CEBPB: variants seen among roughly 807,000 people sequenced by gnomAD.
CEBPB encodes the protein CCAAT enhancer binding protein beta.
For missense variants in CEBPB, 498 were observed against 533.1 expected (o/e 0.93, Z 0.65); for synonymous variants, 295 against 267.1 (o/e 1.10, Z -1.02).
At position 50,191,910 on chromosome 20, in the gene CEBPB, A is replaced by G; in HGVS notation, c.877A>G (p.Lys293Glu). Reference sequence around the variant, plus strand: ...CGTGCGCAAGAGCCGCGACAAGGCCAAGATGCGCAACCTGGAGACGCAGCA... The same window carrying G: ...CGTGCGCAAGAGCCGCGACAAGGCCGAGATGCGCAACCTGGAGACGCAGCA... ...IAVRKSRDKA[K>E]MRNLETQHKV... is the part of the protein sequence containing the mutation. The change falls in exon 1 of 1, where the codon AAG (lysine) becomes GAG (glutamate). Residue 293 changes from lysine (K) to glutamate (E), a missense_variant. By Grantham distance (56) the Lys-to-Glu change is moderately conservative. Coordinates refer to ENST00000303004, the MANE Select transcript of CEBPB (RefSeq NM_005194.4). 6.2e-7 allele frequency: 1 copy of G among 1,613,014 alleles called. No homozygotes were observed. Among genetic ancestry groups the G allele is most frequent in the Non-Finnish European group, 8.5e-7 (1 of 1,179,654 alleles).
Position 50,190,885 on chromosome 20 carries a change from AC to A in CEBPB, c.-147del. The A allele has an allele frequency of 9.8e-7, 1 of 1,016,690 alleles. No homozygotes were observed. The highest frequency in any genetic ancestry group is 2.4e-5 in the South Asian group (1 of 41,896). 63.0% of individuals were successfully genotyped at this position (1,016,690 alleles called of 1,614,324 possible). ...AGGGGACCCACCCGAGGGTCCAGCCACCAGCCCCCTCACTAATAGCGGCCAC... is the reference window on the plus strand; with the variant it reads ...AGGGGACCCACCCGAGGGTCCAGCCACAGCCCCCTCACTAATAGCGGCCAC... On this transcript the variant is annotated 5_prime_UTR_variant, in exon 1 of 1. Coordinates refer to ENST00000303004, the MANE Select transcript of CEBPB (RefSeq NM_005194.4).
In CEBPB at chr20:50,191,303, CGCCACG is replaced by C. The variant is rs1309053464; in HGVS notation, c.278_283del (p.Ala93_Thr94del). The stretch of plus-strand genomic sequence containing the variant: ...TGGGCGCGCCGCAGGCCCCGGCGCC[CGCCACG>C]GCCACGGACACCTTCGAGGCGGCTC... On this transcript the variant is annotated inframe_deletion, in exon 1 of 1. Coordinates refer to ENST00000303004, the MANE Select transcript of CEBPB (RefSeq NM_005194.4). 40 of 1,344,000 alleles carry C rather than the reference CGCCACG, an allele frequency of 3.0e-5. No individual in the cohort carries two copies. The highest frequency in any genetic ancestry group is 3.6e-5 in the Non-Finnish European group (37 of 1,042,104). The allele number at this position is 1,344,000 out of a possible 1,614,324, so 83.3% of individuals were successfully genotyped here. A position where few individuals can be genotyped will look rare whatever the true frequency, so the allele number is the denominator to read the frequency against.
rs1370821670 is a variant in CEBPB, at chr20:50,190,879, C to T, written c.-155C>T. 7.5e-6 allele frequency: 7 copies of T among 939,358 alleles called. No individual in the cohort carries two copies. In the South Asian group the frequency reaches 1.3e-4, roughly 17 times the overall value. 58.2% of individuals were successfully genotyped at this position (939,358 alleles called of 1,614,324 possible). A position where few individuals can be genotyped will look rare whatever the true frequency, so the allele number is the denominator to read the frequency against. ...CTGGGAAGGGGACCCACCCGAGGGTCCAGCCACCAGCCCCCTCACTAATAG... is the reference window on the plus strand; with the variant it reads ...CTGGGAAGGGGACCCACCCGAGGGTTCAGCCACCAGCCCCCTCACTAATAG... On this transcript the variant is annotated 5_prime_UTR_variant, in exon 1 of 1. Transcript: ENST00000303004.
chr20:50,191,280 G>A lies in CEBPB; in HGVS notation c.247G>A (p.Gly83Ser). ...IDFSPYLEPL[G>S]APQAPAPATA... The stretch of plus-strand genomic sequence containing the variant: ...CTTCAGCCCGTACCTGGAGCCGCTG[G>A]GCGCGCCGCAGGCCCCGGCGCCCGC... Residue 83 changes from glycine (G) to serine (S), a missense_variant, in exon 1 of 1, where the codon GGC becomes AGC. Physicochemically the swap from Gly to Ser is moderately conservative, Grantham distance 56 (BLOSUM62 0). Transcript: ENST00000303004. 7.8e-7 allele frequency: 1 copy of A among 1,280,096 alleles called. No homozygotes were observed. Among genetic ancestry groups the A allele is most frequent in the South Asian group, 2.4e-5 (1 of 41,598 alleles). The allele number at this position is 1,280,096 out of a possible 1,614,324, so 79.3% of individuals were successfully genotyped here.
rs759127954 is a variant in CEBPB at position 50,191,166 on chromosome 20, GCCCCCGCGGCGC to G, written c.144_155del (p.Pro49_Ala52del). 6.6e-5 allele frequency: 97 copies of G among 1,469,480 alleles called. 2 individuals are homozygous for G. Among genetic ancestry groups the G allele is most frequent in the Admixed American group, 5.6e-4 (24 of 43,030 alleles). 91.0% of individuals were successfully genotyped at this position (1,469,480 alleles called of 1,614,324 possible). A position where few individuals can be genotyped will look rare whatever the true frequency, so the allele number is the denominator to read the frequency against. Reference sequence around the variant, plus strand: ...GGCTGCTGCGTACGGCGGCAAGGCGGCCCCCGCGGCGCCCCCCGCGGCCAGACCCGGGCCGCG... The same window carrying G: ...GGCTGCTGCGTACGGCGGCAAGGCGGCCCCCGCGGCCAGACCCGGGCCGCG... On this transcript the variant is annotated inframe_deletion, in exon 1 of 1. Coordinates refer to ENST00000303004, the MANE Select transcript of CEBPB (RefSeq NM_005194.4).
At position 50,191,412 on chromosome 20, in the gene CEBPB, G is replaced by T; in HGVS notation, c.379G>T (p.Gly127Trp). ...CTCCGACCTCTTCTCCGACGACTACGGGGGCAAGAACTGCAAGAAGCCGGC... is the reference window on the plus strand; with the variant it reads ...CTCCGACCTCTTCTCCGACGACTACTGGGGCAAGAACTGCAAGAAGCCGGC... ...FLSDLFSDDY[G>W]GKNCKKPAEY... Residue 127 changes from glycine (G) to tryptophan (W), a missense_variant, in exon 1 of 1, where the codon GGG (glycine) becomes TGG (tryptophan). Transcript: ENST00000303004. The T allele has an allele frequency of 6.6e-7, 1 of 1,521,588 alleles. No individual in the cohort carries two copies. The highest frequency in any genetic ancestry group is 8.8e-7 in the Non-Finnish European group (1 of 1,132,148). 94.3% of individuals were successfully genotyped at this position (1,521,588 alleles called of 1,614,324 possible).
rs1359843144 is a variant in CEBPB at position 50,191,358 on chromosome 20, G to T, written c.325G>T (p.Ala109Ser). 9 of 1,451,710 alleles carry T rather than the reference G, an allele frequency of 6.2e-6. No individual in the cohort carries two copies. The highest frequency in any genetic ancestry group is 8.2e-6 in the Non-Finnish European group (9 of 1,095,288). The allele number at this position is 1,451,710 out of a possible 1,614,324, so 89.9% of individuals were successfully genotyped here. Reference sequence around the variant, plus strand: ...TCCGCCCGCGCCCGCCCCCGCGCCCGCCTCCTCCGGGCAGCACCACGACTT... The same window carrying T: ...TCCGCCCGCGCCCGCCCCCGCGCCCTCCTCCTCCGGGCAGCACCACGACTT... ...AAPPAPAPAP[A>S]SSGQHHDFLS... Residue 109 changes from alanine to serine, a missense_variant, in exon 1 of 1, where the codon GCC becomes TCC. By Grantham distance (99) the Ala-to-Ser change is moderately conservative. Transcript: ENST00000303004.
In CEBPB at chr20:50,192,229, A is replaced by G. The variant is rs1474386139; in HGVS notation, c.*158A>G. ...CCGTCGGTAATTTTAATATTTTATT[A>G]TATATATATATCTATATTTTTGTCC... On this transcript the variant is annotated 3_prime_UTR_variant, in exon 1 of 1. Coordinates refer to ENST00000303004, the MANE Select transcript of CEBPB (RefSeq NM_005194.4). 1.6e-5 allele frequency: 5 copies of G among 309,936 alleles called. No individual in the cohort carries two copies. The highest frequency in any genetic ancestry group is 2.8e-5 in the Non-Finnish European group (5 of 180,598). 19.2% of individuals were successfully genotyped at this position (309,936 alleles called of 1,614,324 possible). A position where few individuals can be genotyped will look rare whatever the true frequency, so the allele number is the denominator to read the frequency against.
In CEBPB at chr20:50,191,450, C is replaced by T; in HGVS notation, c.417C>T (p.Tyr139=). ...KNCKKPAEYG[Y]VSLGRLGAAK... is the part of the protein sequence containing the mutation. ...GCAAGAAGCCGGCCGAGTACGGCTA[C>T]GTGAGCCTGGGGCGCCTGGGGGCCG... The change falls in exon 1 of 1, where the codon TAC becomes TAT. Residue 139 remains tyrosine (Y), a synonymous_variant. Transcript: ENST00000303004. 3 of 1,516,662 alleles carry T rather than the reference C, an allele frequency of 2.0e-6. No homozygotes were observed. Among genetic ancestry groups the T allele is most frequent in the African/African-American group, 1.4e-5 (1 of 69,138 alleles). 94.0% of individuals were successfully genotyped at this position (1,516,662 alleles called of 1,614,324 possible). A position where few individuals can be genotyped will look rare whatever the true frequency, so the allele number is the denominator to read the frequency against.
Position 50,191,119 on chromosome 20 carries a change from TCTA to T in CEBPB, c.91_93del (p.Tyr31del). The T allele has an allele frequency of 6.5e-7, 1 of 1,546,500 alleles. No homozygotes were observed. Among genetic ancestry groups the T allele is most frequent in the Non-Finnish European group, 8.7e-7 (1 of 1,151,820 alleles). On this transcript the variant is annotated inframe_deletion, in exon 1 of 1. Transcript: ENST00000303004. ...TTTAAATCCATGGAAGTGGCCAACT[TCTA>T]CTACGAGGCGGACTGCTTGGCTGCT...
At position 50,190,882 on chromosome 20, in the gene CEBPB, G is replaced by A; in HGVS notation, c.-152G>A. On this transcript the variant is annotated 5_prime_UTR_variant, in exon 1 of 1. Transcript: ENST00000303004. ...GGAAGGGGACCCACCCGAGGGTCCA[G>A]CCACCAGCCCCCTCACTAATAGCGG... is the stretch of plus-strand genomic sequence containing the variant. 2 of 992,478 alleles carry A rather than the reference G, an allele frequency of 2.0e-6. No individual in the cohort carries two copies. The highest frequency in any genetic ancestry group is 2.7e-6 in the Non-Finnish European group (2 of 745,922). 61.5% of individuals were successfully genotyped at this position (992,478 alleles called of 1,614,324 possible).
In CEBPB at chr20:50,191,777, C is replaced by A; in HGVS notation, c.744C>A (p.Cys248Ter). The stretch of plus-strand genomic sequence containing the variant: ...ACGCCAAGGCGCCCCCGACCGCCTG[C>A]TACGCGGGGGCCGCGCCGGCGCCCT... ...PADAKAPPTA[C>*]YAGAAPAPSQ... is the part of the protein sequence containing the mutation. Residue 248 changes from cysteine to a stop codon, truncating the protein, a stop_gained, in exon 1 of 1, where the codon TGC becomes TGA. Coordinates refer to ENST00000303004, the MANE Select transcript of CEBPB (RefSeq NM_005194.4). LOFTEE classifies it high-confidence loss of function. The A allele has an allele frequency of 6.5e-7, 1 of 1,545,070 alleles. No individual in the cohort carries two copies. The highest frequency in any genetic ancestry group is 8.7e-7 in the Non-Finnish European group (1 of 1,146,106).
At position 50,192,316 on chromosome 20, in the gene CEBPB, A is replaced by G. The variant is rs1042582044; in HGVS notation, c.*245A>G. The stretch of plus-strand genomic sequence containing the variant: ...GGTGTTATTTAAAGAAGAAACGTCT[A>G]TGTGTACAGATGAATGATAAACTCT... On this transcript the variant is annotated 3_prime_UTR_variant, in exon 1 of 1. Coordinates refer to ENST00000303004, the MANE Select transcript of CEBPB (RefSeq NM_005194.4). 6 of 183,590 alleles carry G rather than the reference A, an allele frequency of 3.3e-5. No homozygotes were observed. The highest frequency in any genetic ancestry group is 7.2e-5 in the African/African-American group (3 of 41,850). The allele number at this position is 183,590 out of a possible 1,614,324, so 11.4% of individuals were successfully genotyped here.
rs768417455 is a variant in CEBPB, at chr20:50,191,524, C to T, written c.491C>T (p.Pro164Leu). 3 of 1,315,868 alleles carry T rather than the reference C, an allele frequency of 2.3e-6. No individual in the cohort carries two copies. The highest frequency in any genetic ancestry group is 2.9e-6 in the Non-Finnish European group (3 of 1,037,640). 81.5% of individuals were successfully genotyped at this position (1,315,868 alleles called of 1,614,324 possible). A position where few individuals can be genotyped will look rare whatever the true frequency, so the allele number is the denominator to read the frequency against. The change falls in exon 1 of 1, where the codon CCC becomes CTC. Residue 164 changes from proline to leucine, a missense_variant. By Grantham distance (98) the Pro-to-Leu change is moderately conservative (BLOSUM62 -3). Coordinates refer to ENST00000303004, the MANE Select transcript of CEBPB (RefSeq NM_005194.4). ...PGCFAPLHPP[P>L]PPPPPPAELK... ...TGCTTCGCGCCCCTGCACCCACCGC[C>T]CCCGCCGCCGCCGCCGCCCGCCGAG...
Position 50,191,234 on chromosome 20 carries a change from C to T in CEBPB, c.201C>T (p.Gly67=), listed in dbSNP as rs1442244508. ...RPPAGELGSI[G]DHERAIDFSP... is the part of the protein sequence containing the mutation. ...CCGCCGGCGAGCTGGGCAGCATCGGCGACCACGAGCGCGCCATCGACTTCA... is the reference window on the plus strand; with the variant it reads ...CCGCCGGCGAGCTGGGCAGCATCGGTGACCACGAGCGCGCCATCGACTTCA... Residue 67 remains glycine (G), a synonymous_variant, in exon 1 of 1, where the codon GGC becomes GGT. Coordinates refer to ENST00000303004, the MANE Select transcript of CEBPB (RefSeq NM_005194.4). The T allele has an allele frequency of 8.5e-6, 11 of 1,289,042 alleles. No individual in the cohort carries two copies. Among genetic ancestry groups the T allele is most frequent in the African/African-American group, 1.6e-5 (1 of 63,684 alleles). The allele number at this position is 1,289,042 out of a possible 1,614,324, so 79.9% of individuals were successfully genotyped here.
Position 50,191,765 on chromosome 20 carries a change from C to A in CEBPB, c.732C>A (p.Pro244=). 1 of 1,541,144 alleles carries A rather than the reference C, an allele frequency of 6.5e-7. No homozygotes were observed. Among genetic ancestry groups the A allele is most frequent in the Non-Finnish European group, 8.7e-7 (1 of 1,144,638 alleles). Residue 244 remains proline, a synonymous_variant, in exon 1 of 1, where the codon CCC becomes CCA. Transcript: ENST00000303004. The stretch of plus-strand genomic sequence containing the variant: ...CGAGCCCCGCTGACGCCAAGGCGCC[C>A]CCGACCGCCTGCTACGCGGGGGCCG... ...GTPSPADAKA[P]PTACYAGAAP... is the part of the protein sequence containing the mutation.
Position 50,191,197 on chromosome 20 carries a change from G to T in CEBPB, c.164G>T (p.Gly55Val), listed in dbSNP as rs934133431. The change falls in exon 1 of 1, where the codon GGG (glycine) becomes GTG (valine). Residue 55 changes from glycine (G) to valine (V), a missense_variant. Coordinates refer to ENST00000303004, the MANE Select transcript of CEBPB (RefSeq NM_005194.4). Reference protein sequence around the residue: ...APAAPPAARPGPRPPAGELGS... With the variant: ...APAAPPAARPVPRPPAGELGS... ...GCGGCGCCCCCCGCGGCCAGACCCG[G>T]GCCGCGCCCCCCCGCCGGCGAGCTG... The T allele has an allele frequency of 7.6e-7, 1 of 1,323,408 alleles. No homozygotes were observed. The allele number at this position is 1,323,408 out of a possible 1,614,324, so 82.0% of individuals were successfully genotyped here.
rs2081582585 is a variant in CEBPB, at chr20:50,192,057, T to C, written c.1024T>C (p.Ser342Pro). 5 of 1,577,790 alleles carry C rather than the reference T, an allele frequency of 3.2e-6. No individual in the cohort carries two copies. The East Asian group carries it at 7.3e-5, about 23-fold the overall frequency. ...KQLPEPLLASSGHC is the reference protein window; with the variant it reads ...KQLPEPLLASPGHC ...GCTGCCCGAGCCCCTGCTCGCCTCC[T>C]CCGGCCACTGCTAGCGCGGCCCCCG... Residue 342 changes from serine (S) to proline (P), a missense_variant, in exon 1 of 1, where the codon TCC becomes CCC. Ser to Pro is a moderately conservative substitution (Grantham distance 74). Coordinates refer to ENST00000303004, the MANE Select transcript of CEBPB (RefSeq NM_005194.4).
chr20:50,192,112 A>G lies in CEBPB; in HGVS notation c.*41A>G. On this transcript the variant is annotated 3_prime_UTR_variant, in exon 1 of 1. Coordinates refer to ENST00000303004, the MANE Select transcript of CEBPB (RefSeq NM_005194.4). ...CGTCCCCCTGCCGGCCGGGGCTGAG[A>G]CTCCGGGGAGCGCCCGCGCCCGCGC... The G allele has an allele frequency of 2.8e-6, 4 of 1,422,158 alleles. No individual in the cohort carries two copies. The highest frequency in any genetic ancestry group is 4.6e-4 in the Middle Eastern group (2 of 4,324). The allele number at this position is 1,422,158 out of a possible 1,614,324, so 88.1% of individuals were successfully genotyped here.
Sources: gnomAD v4.1 joint callset for allele counts on GRCh38, gnomAD v4.1.1 for gene constraint, MANE v1.5 for transcripts, NCBI Gene and HGNC (gene_info 2026-07-23, HGNC 2026-07-21) for gene names.